Variants in SLC25A31 observed in about 807,000 individuals in gnomAD.
SLC25A31 encodes the protein ADP/ATP translocase 4.
SLC25A31 carries 40 observed loss-of-function variants against 36.2 expected under a neutral mutation model. The observed-to-expected ratio is 1.10, with a 90% CI of 0.86 to 1.44. The LOEUF (loss-of-function observed/expected upper bound fraction) is 1.44, where lower values mean the gene tolerates loss of function less well. Ranked by LOEUF, SLC25A31 falls within the 40% of genes most tolerant of loss-of-function variation. The pLI, the probability that SLC25A31 is intolerant of heterozygous loss-of-function variation, is 0.00. For synonymous variants in SLC25A31, 143 were observed against 149.7 expected (o/e 0.96, Z 0.32); for missense variants, 350 against 397.1 (o/e 0.88, Z 1.01).
intron 3 of SLC25A31, among the ~76,000 whole-genome samples, chr4:127,765,054 C>A (rs1199044710): frequency 6.6e-6 from 1 of 152,102 alleles, no homozygotes; most frequent in African/African-American, 2.4e-5. Context: ...TCTTATATTT[C>A]ACAATAAAAT....
intron 2 of SLC25A31, among the ~76,000 whole-genome samples, chr4:127,748,822 G>C (rs1731869826): frequency 6.6e-6 from 1 of 152,104 alleles, no homozygotes; most frequent in Admixed American, 6.6e-5. Context: ...GAAAAGTTTG[G>C]TCTTTCAGAT....
intron 3 of SLC25A31, among the ~76,000 whole-genome samples, chr4:127,764,757 T>A (rs1171131239): frequency 6.6e-6 from 1 of 152,196 alleles, no homozygotes; most frequent in East Asian, 1.9e-4. Flanking sequence ...CCCTTTTTTG[T>A]TATTACACCC....
At chr4:127,760,337 C>T (rs1223348495) in intron 2 of SLC25A31, among the ~76,000 whole-genome samples, 1 of 152,198 alleles carries the variant, frequency 6.6e-6, no homozygotes, top group African/African-American at 2.4e-5. Context: ...CTTCACTTCA[C>T]TCTTTGAGGT....
rs1332721184 is a variant in SLC25A31 at position 127,730,476 on chromosome 4, C to T, written c.-70C>T. The stretch of plus-strand genomic sequence containing the variant: ...ATGCTGCAGCGGTTTTCCGGTTTTC[C>T]GCTTCCCTTCATCGTAGCTCCCGTA... On this transcript the variant is annotated 5_prime_UTR_variant, in exon 1 of 6. Coordinates refer to ENST00000281154, the MANE Select transcript of SLC25A31 (RefSeq NM_031291.4). 4 of 1,497,020 alleles carry T rather than the reference C, an allele frequency of 2.7e-6. No homozygotes were observed. The highest frequency in any genetic ancestry group is 2.8e-5 in the African/African-American group (2 of 72,544). 92.7% of individuals were successfully genotyped at this position (1,497,020 alleles called of 1,614,324 possible). A position where few individuals can be genotyped will look rare whatever the true frequency, so the allele number is the denominator to read the frequency against.
intron 2 of SLC25A31, among the ~76,000 whole-genome samples, chr4:127,757,057 A>G (rs1423677885): frequency 6.6e-6 from 1 of 152,248 alleles, no homozygotes; most frequent in East Asian, 1.9e-4. Flanking sequence ...AAAATCTGGA[A>G]ACAACTCAGA....
chr4:127,764,385 C>T, intron 3 of SLC25A31, 25 bp downstream of exon 3: 2 of 1,546,228 alleles, frequency 1.3e-6, no homozygotes, highest in Non-Finnish European at 1.8e-6. Flanking sequence ...GAAATACTAA[C>T]TTTTCCTTCT....
At chr4:127,735,511 CTCCCTGG>C in intron 1 of SLC25A31, among the ~76,000 whole-genome samples, 1 of 152,140 alleles carries the variant, frequency 6.6e-6, no homozygotes, top group Middle Eastern at 3.4e-3. Context: ...TGCTACCTGT[CTCCCTGG>C]TCCCTCCCTC....
intron 1 of SLC25A31, among the ~76,000 whole-genome samples, chr4:127,734,585 TC>T (rs1731589396): frequency 7.9e-6 from 1 of 126,832 alleles, no homozygotes; most frequent in Non-Finnish European, 1.7e-5. Context: ...AAAAAAAAGA[TC>T]CGTACAGTCT....
chr4:127,769,919 A>G (rs1392473862), intron 5 of SLC25A31, among the ~76,000 whole-genome samples: 1 of 152,324 alleles, frequency 6.6e-6, no homozygotes, highest in East Asian at 1.9e-4. Context: ...GGCAAGTGAA[A>G]ATAATGAGGT....
intron 1 of SLC25A31, among the ~76,000 whole-genome samples, chr4:127,739,395 C>G (rs922453771): frequency 5.9e-5 from 9 of 152,096 alleles, no homozygotes; most frequent in Non-Finnish European, 1.2e-4. Flanking sequence ...TTGAATTTTT[C>G]TTTAAGAATG....
At chr4:127,744,576 T>A (rs866249204) in intron 1 of SLC25A31, 96 bp from the exon 2 acceptor site, 2 of 1,023,002 alleles carry the variant, frequency 2.0e-6, no homozygotes, top group Middle Eastern at 2.5e-4. Context: ...AGAAAGAGTA[T>A]GTTTTAGATA....
Position 127,773,667 on chromosome 4 carries a change from T to C in SLC25A31, c.*93T>C. On this transcript the variant is annotated 3_prime_UTR_variant, in exon 6 of 6. Coordinates refer to ENST00000281154, the MANE Select transcript of SLC25A31 (RefSeq NM_031291.4). ...TGCATACATTTTGATAGTGTTATTG[T>C]CTGTATTTTGTTAAAGTGCTAGTTC... 9.4e-7 allele frequency: 1 copy of C among 1,060,454 alleles called. No individual in the cohort carries two copies. The highest frequency in any genetic ancestry group is 1.3e-6 in the Non-Finnish European group (1 of 768,974). The allele number at this position is 1,060,454 out of a possible 1,614,324, so 65.7% of individuals were successfully genotyped here. A position where few individuals can be genotyped will look rare whatever the true frequency, so the allele number is the denominator to read the frequency against.
At chr4:127,768,618 A>G (rs946935248) in intron 4 of SLC25A31, 134 bp from the exon 5 acceptor site, 6 of 693,770 alleles carry the variant, frequency 8.6e-6, no homozygotes, top group Non-Finnish European at 1.3e-5. Context: ...TGCTACTATT[A>G]AATCCAACAT....
intron 1 of SLC25A31, among the ~76,000 whole-genome samples, chr4:127,734,082 T>G (rs547633283): frequency 2.0e-5 from 3 of 152,222 alleles, no homozygotes; most frequent in Non-Finnish European, 4.4e-5. Context: ...TGTTTAAACC[T>G]TTATTATGCA....
At chr4:127,766,848 G>A (rs1172312980) in intron 3 of SLC25A31, among the ~76,000 whole-genome samples, 2 of 152,160 alleles carry the variant, frequency 1.3e-5, no homozygotes, top group Non-Finnish European at 2.9e-5. Flanking sequence ...GAAGTAAATT[G>A]TTTTCATGAG....
At chr4:127,735,896 AT>A (rs70966054) in intron 1 of SLC25A31, among the ~76,000 whole-genome samples, 1,459 of 74,650 alleles carry the variant, frequency 0.02, 49 homozygotes, top group African/African-American at 0.058. Flanking sequence ...TTATTTATTT[AT>A]TTTTTTTTTT....
rs143035335 is a variant in SLC25A31, at chr4:127,740,119, T to G, written c.233-4553T>G. Among the ~76,000 whole-genome samples the G allele has an allele frequency of 5.3e-5, 8 of 152,322 alleles. No homozygotes were observed. In the East Asian group the frequency reaches 7.7e-4, roughly 15 times the overall value. The stretch of plus-strand genomic sequence containing the variant: ...TGACCGCTAGTGTGATCCTTTGGTG[T>G]TGTTATTACATTCACATTTTTTGTG... On this transcript the variant is annotated intron_variant, in intron 1 of 5. Coordinates refer to ENST00000281154, the MANE Select transcript of SLC25A31 (RefSeq NM_031291.4).
At chr4:127,735,329 G>A (rs1731602965) in intron 1 of SLC25A31, among the ~76,000 whole-genome samples, 1 of 152,184 alleles carries the variant, frequency 6.6e-6, no homozygotes, top group African/African-American at 2.4e-5. Context: ...TAATTAGCAA[G>A]ATGTTTGAAA....
chr4:127,755,997 C>T (rs529150527), intron 2 of SLC25A31, among the ~76,000 whole-genome samples: 19 of 151,540 alleles, frequency 1.3e-4, no homozygotes, highest in African/African-American at 3.6e-4. Context: ...CGCGCCATTG[C>T]GCTCCAGCCT....
Sources: gnomAD v4.1 joint callset for allele counts (sites outside exome capture counted in the v4.1 genomes callset) on GRCh38, gnomAD v4.1.1 for gene constraint, MANE v1.5 for transcripts, NCBI Gene and HGNC (gene_info 2026-07-23, HGNC 2026-07-21) for gene names.